Variants in PLA2G2C observed in about 807,000 individuals in gnomAD.
PLA2G2C encodes phospholipase A2 group IIC.
A neutral mutation model predicts 14.3 loss-of-function variants in PLA2G2C; 15 were observed. That is an observed-to-expected ratio of 1.05 (90% CI 0.70 to 1.62). The LOEUF is 1.62. Ranked by LOEUF, PLA2G2C falls within the 40% of genes most tolerant of loss-of-function variation. The pLI is 0.00. For missense variants in PLA2G2C, 162 were observed against 173.2 expected (o/e 0.94, Z 0.36); for synonymous variants, 79 against 67.7 (o/e 1.17, Z -0.82).
At position 20,171,264 on chromosome 1, in the gene PLA2G2C, C is replaced by T. The variant is rs1430470003; in HGVS notation, c.283+1530G>A. On this transcript the variant is annotated intron_variant, in intron 4 of 4. Coordinates refer to ENST00000679259, the MANE Select transcript of PLA2G2C (RefSeq NM_001367969.2). Reference sequence around the variant, plus strand: ...GGCCTTGGAGGTGTCACAGAAAAGACACTTTGCTTTAGGCCTGAGAAGGAC... The same window carrying T: ...GGCCTTGGAGGTGTCACAGAAAAGATACTTTGCTTTAGGCCTGAGAAGGAC... Among the ~76,000 whole-genome samples, 3 of 152,190 alleles carry T rather than the reference C, an allele frequency of 2.0e-5. No individual in the cohort carries two copies. The East Asian group carries it at 5.8e-4, about 29-fold the overall frequency.
chr1:20,185,354 G>A (rs1024514937), intron 1 of PLA2G2C, among the ~76,000 whole-genome samples: 4 of 152,180 alleles, frequency 2.6e-5, no homozygotes, highest in Non-Finnish European at 5.9e-5. Context: ...ACTCGGGCAG[G>A]GAGGATCCTT....
At chr1:20,166,791 T>A (rs2017987180) in intron 4 of PLA2G2C, among the ~76,000 whole-genome samples, 1 of 152,218 alleles carries the variant, frequency 6.6e-6, no homozygotes, top group African/African-American at 2.4e-5. Context: ...CCAGTTCTAC[T>A]TCAGTGGCCT....
chr1:20,166,799 C>T (rs1416592423), intron 4 of PLA2G2C, among the ~76,000 whole-genome samples: 1 of 152,180 alleles, frequency 6.6e-6, no homozygotes, highest in Non-Finnish European at 1.5e-5. Context: ...ACTTCAGTGG[C>T]CTGCCCCATT....
At chr1:20,171,840 C>CA (rs1348123338) in intron 4 of PLA2G2C, among the ~76,000 whole-genome samples, 4 of 147,528 alleles carry the variant, frequency 2.7e-5, no homozygotes, top group African/African-American at 1.0e-4. Flanking sequence ...CGGCTCACTG[C>CA]AAGCTCCGCC....
intron 1 of PLA2G2C, among the ~76,000 whole-genome samples, chr1:20,178,330 G>A (rs962971519): frequency 1.3e-5 from 2 of 152,224 alleles, no homozygotes; most frequent in African/African-American, 4.8e-5. Flanking sequence ...GACTTGGAGT[G>A]TGAAACAATA....
chr1:20,185,984 C>T (rs1173761083), intron 1 of PLA2G2C: 1 of 152,364 alleles, frequency 6.6e-6, no homozygotes, highest in African/African-American at 2.4e-5. Context: ...CTCCGCCCTC[C>T]TGGCCCAGCG....
At chr1:20,184,188 T>TGCGCAC (rs1192783712) in intron 1 of PLA2G2C, 1 of 137,834 alleles carries the variant, frequency 7.3e-6, no homozygotes, top group Admixed American at 7.2e-5. Flanking sequence ...CGCGCGTGCG[T>TGCGCAC]GCGCACACGC....
At chr1:20,166,232 C>T (rs532178233) in intron 4 of PLA2G2C, among the ~76,000 whole-genome samples, 6 of 152,336 alleles carry the variant, frequency 3.9e-5, no homozygotes, top group Non-Finnish European at 7.3e-5. Context: ...GCAAAGTCTG[C>T]GTCCTGCAGA....
intron 4 of PLA2G2C, among the ~76,000 whole-genome samples, chr1:20,171,066 C>T (rs2018065256): frequency 7.1e-6 from 1 of 141,586 alleles, no homozygotes; most frequent in Non-Finnish European, 1.5e-5. Flanking sequence ...GTGCAGCCAG[C>T]CCACAGGAGC....
At chr1:20,173,621 G>A (rs921664855) in intron 3 of PLA2G2C, among the ~76,000 whole-genome samples, 3 of 152,202 alleles carry the variant, frequency 2.0e-5, no homozygotes, top group African/African-American at 4.8e-5. Flanking sequence ...AAAAGCCGAC[G>A]TAGTCCCATT....
intron 2 of PLA2G2C, among the ~76,000 whole-genome samples, chr1:20,176,171 G>A (rs552074641): frequency 2.6e-5 from 4 of 152,094 alleles, no homozygotes; most frequent in East Asian, 1.9e-4. Flanking sequence ...CGCCCGCCTC[G>A]GCCTCCCAAA....
chr1:20,183,681 G>A (rs956815375), intron 1 of PLA2G2C, among the ~76,000 whole-genome samples: 6 of 152,176 alleles, frequency 3.9e-5, no homozygotes, highest in Non-Finnish European at 5.9e-5. Flanking sequence ...AGGGCTTCAC[G>A]GAAGAGGTGG....
At chr1:20,178,148 C>T (rs1240835759) in intron 1 of PLA2G2C, among the ~76,000 whole-genome samples, 1 of 152,178 alleles carries the variant, frequency 6.6e-6, no homozygotes, top group Non-Finnish European at 1.5e-5. Context: ...TAGGTAGACA[C>T]AGAATTCATA....
chr1:20,182,885 C>A (rs1247859800), intron 1 of PLA2G2C, among the ~76,000 whole-genome samples: 3 of 152,236 alleles, frequency 2.0e-5, no homozygotes, highest in African/African-American at 7.2e-5. Context: ...CTTCAGCAAG[C>A]CCCTGGGGAG....
At chr1:20,182,999 C>G (rs1482061782) in intron 1 of PLA2G2C, among the ~76,000 whole-genome samples, 1 of 151,478 alleles carries the variant, frequency 6.6e-6, no homozygotes, top group African/African-American at 2.5e-5. Flanking sequence ...CCACCATCAT[C>G]ATTGCCGAGC....
chr1:20,176,102 G>A (rs2018178828), intron 2 of PLA2G2C, among the ~76,000 whole-genome samples: 5 of 151,922 alleles, frequency 3.3e-5, no homozygotes, highest in Admixed American at 3.3e-4. Flanking sequence ...ATAGAGACGG[G>A]GTTTCACCAT....
intron 4 of PLA2G2C, among the ~76,000 whole-genome samples, chr1:20,165,984 T>C (rs2017971868): frequency 6.6e-6 from 1 of 152,216 alleles, no homozygotes; most frequent in African/African-American, 2.4e-5. Context: ...ATCTATGAAA[T>C]GGTGCTAAAA....
At chr1:20,185,796 G>C (rs975081209) in intron 1 of PLA2G2C, among the ~76,000 whole-genome samples, 1 of 152,312 alleles carries the variant, frequency 6.6e-6, no homozygotes, top group Middle Eastern at 3.4e-3. Flanking sequence ...TAGTGGTGCT[G>C]CTCCCCGCTC....
chr1:20,171,059 C>T lies in PLA2G2C; in HGVS notation c.283+1735G>A, dbSNP rs533719554. Among the ~76,000 whole-genome samples, 129 of 141,708 alleles carry T rather than the reference C, an allele frequency of 9.1e-4. 20 individuals are homozygous for T. The highest frequency in any genetic ancestry group is 1.6e-3 in the Non-Finnish European group (106 of 64,868). 93.0% of individuals were successfully genotyped at this position (141,708 alleles called of 152,430 possible). On this transcript the variant is annotated intron_variant, in intron 4 of 4. Transcript: ENST00000679259. The stretch of plus-strand genomic sequence containing the variant: ...GAGCCTAGGCCAGCCCTGGCGAGTG[C>T]AGCCAGCCCACAGGAGCCCAGGGTG...
Sources: gnomAD v4.1 joint callset for allele counts (sites outside exome capture counted in the v4.1 genomes callset) on GRCh38, gnomAD v4.1.1 for gene constraint, MANE v1.5 for transcripts, NCBI Gene and HGNC (gene_info 2026-07-23, HGNC 2026-07-21) for gene names.